ZNF644: variants seen among roughly 807,000 people sequenced by gnomAD.
ZNF644 encodes the protein zinc finger protein 644.
Under a neutral mutation model 108.0 loss-of-function variants are expected in ZNF644, and 20 were observed. The ratio of observed to expected loss-of-function variants is 0.19; its 90% CI spans 0.13 to 0.27. ZNF644 has a LOEUF of 0.27. Among genes scored for constraint, ZNF644 ranks in the 10% least tolerant of loss-of-function variants. ZNF644 has a pLI of 1.00. For synonymous variants in ZNF644, 542 were observed against 539.1 expected (o/e 1.01, Z -0.08); for missense variants, 1,338 against 1,548.9 (o/e 0.86, Z 2.29).
In ZNF644 at chr1:90,938,562, T is replaced by C; in HGVS notation, c.2792A>G (p.His931Arg). 1.9e-6 allele frequency: 3 copies of C among 1,613,754 alleles called. No individual in the cohort carries two copies. The highest frequency in any genetic ancestry group is 2.2e-5 in the South Asian group (2 of 91,028). The change falls in exon 3 of 6, where the codon CAT (histidine) becomes CGT (arginine). Residue 931 changes from histidine to arginine, a missense_variant. Around this residue, in one of 6 missense-constraint regions of ZNF644, gnomAD observed 462 missense variants for 472.6 expected, o/e 0.98. Transcript: ENST00000337393. This position sits in a 1 kb window ranked among gnomAD's most constrained non-coding sequence, Gnocchi z 4.2. ...TAAATGCTGAGGATCATGTATCTCA[T>C]GCAAAAAGTTGTTACTTCCAGTATC... ...YEDTGSNNFLHEIHDPQHLET... is the reference protein window; with the variant it reads ...YEDTGSNNFLREIHDPQHLET...
chr1:90,971,430 T>A (rs1381738684), intron 2 of ZNF644, among the ~76,000 whole-genome samples: 1 of 152,124 alleles, frequency 6.6e-6, no homozygotes. Context: ...TTTCTTTTTT[T>A]TTGGTGGGGG....
chr1:90,953,758 T>C (rs1381213726), intron 2 of ZNF644, among the ~76,000 whole-genome samples: 1 of 151,534 alleles, frequency 6.6e-6, no homozygotes, highest in Non-Finnish European at 1.5e-5. Context: ...CTACTAAAAA[T>C]ACAAAAAATT....
chr1:90,956,420 A>T (rs1653761390), intron 2 of ZNF644, among the ~76,000 whole-genome samples: 1 of 152,226 alleles, frequency 6.6e-6, no homozygotes, highest in African/African-American at 2.4e-5. Flanking sequence ...AGGGTATGCC[A>T]GTGTAAGTTT....
chr1:91,005,884 CA>C (rs747034998), intron 1 of ZNF644, among the ~76,000 whole-genome samples: 1 of 148,670 alleles, frequency 6.7e-6, no homozygotes, highest in Non-Finnish European at 1.5e-5. Context: ...TCAAAGCAGA[CA>C]AAAGAAAAAA....
At chr1:91,003,530 G>A (rs1163994507) in intron 1 of ZNF644, among the ~76,000 whole-genome samples, 3 of 151,852 alleles carry the variant, frequency 2.0e-5, no homozygotes, top group African/African-American at 7.3e-5. Flanking sequence ...GGGGCCTGTC[G>A]TGGGGTGGGG....
intron 1 of ZNF644, among the ~76,000 whole-genome samples, chr1:90,984,153 G>A (rs1656852717): frequency 6.6e-6 from 1 of 152,124 alleles, no homozygotes; most frequent in African/African-American, 2.4e-5. Context: ...CTCCAGAACT[G>A]TGAGAGAATT....
intron 1 of ZNF644, among the ~76,000 whole-genome samples, chr1:90,997,674 G>C (rs1241549510): frequency 6.6e-6 from 1 of 152,256 alleles, no homozygotes; most frequent in Middle Eastern, 3.4e-3. Flanking sequence ...TTGAGGTACC[G>C]GGTTCATCTC....
In ZNF644 at chr1:90,939,539, C is replaced by A; in HGVS notation, c.1815G>T (p.Thr605=). The stretch of plus-strand genomic sequence containing the variant: ...CACATGATGATGAATGCAAGTACTC[C>A]GTGTGCTTTTTTAAAACACTTTTGG... The part of the protein sequence containing the change: ...TSAKSVLKKH[T]EYLHSSSCVD... The change falls in exon 3 of 6, where the codon ACG becomes ACT. Residue 605 remains threonine, a synonymous_variant. Coordinates refer to ENST00000337393, the MANE Select transcript of ZNF644 (RefSeq NM_201269.3). 1 of 1,613,918 alleles carries A rather than the reference C, an allele frequency of 6.2e-7. No individual in the cohort carries two copies. Among genetic ancestry groups the A allele is most frequent in the Non-Finnish European group, 8.5e-7 (1 of 1,179,900 alleles).
chr1:90,940,112 C>T lies in ZNF644; in HGVS notation c.1242G>A (p.Lys414=). ...TEEPSFYPCT[K]CNVNFREKKH... is the part of the protein sequence containing the mutation. ...TCTTCTCCCTAAAATTCACATTGCA[C>T]TTTGTACAGGGGTAGAATGATGGCT... The change falls in exon 3 of 6, where the codon AAG becomes AAA. Residue 414 remains lysine (K), a synonymous_variant. Transcript: ENST00000337393. The T allele has an allele frequency of 6.2e-7, 1 of 1,614,056 alleles. No homozygotes were observed. The highest frequency in any genetic ancestry group is 8.5e-7 in the Non-Finnish European group (1 of 1,179,966).
chr1:90,953,619 A>C (rs1653427195), intron 2 of ZNF644, among the ~76,000 whole-genome samples: 2 of 152,258 alleles, frequency 1.3e-5, no homozygotes, highest in Middle Eastern at 3.4e-3. Context: ...TATATAGCTT[A>C]AAGTATTCTA....
At chr1:90,971,299 T>C (rs1655445601) in intron 2 of ZNF644, among the ~76,000 whole-genome samples, 1 of 149,516 alleles carries the variant, frequency 6.7e-6, no homozygotes, top group Non-Finnish European at 1.5e-5. Context: ...ACCATCACAA[T>C]TGATGCAAAA....
intron 1 of ZNF644, among the ~76,000 whole-genome samples, chr1:90,995,677 T>C (rs1280209455): frequency 1.3e-5 from 2 of 152,154 alleles, no homozygotes; most frequent in African/African-American, 4.8e-5. Flanking sequence ...ACAATACTGT[T>C]AATGGTTGAC....
chr1:90,955,598 T>C (rs768055579), intron 2 of ZNF644, among the ~76,000 whole-genome samples: 2 of 152,234 alleles, frequency 1.3e-5, no homozygotes, highest in Non-Finnish European at 2.9e-5. Flanking sequence ...TTAAACCTCA[T>C]GAATCCACCT....
intron 1 of ZNF644, among the ~76,000 whole-genome samples, chr1:90,996,120 G>C (rs1450711340): frequency 6.6e-6 from 1 of 151,886 alleles, no homozygotes; most frequent in Non-Finnish European, 1.5e-5. Flanking sequence ...TTGGAATCAG[G>C]GAAATGCAAA....
At chr1:90,985,520 C>G (rs1657004773) in intron 1 of ZNF644, among the ~76,000 whole-genome samples, 1 of 152,114 alleles carries the variant, frequency 6.6e-6, no homozygotes, top group Non-Finnish European at 1.5e-5. Flanking sequence ...ATGAGTTCAA[C>G]TTTTTTAGAT....
chr1:90,937,475 G>A lies in ZNF644; in HGVS notation c.3688+10C>T, dbSNP rs924635034. 8.1e-6 allele frequency: 13 copies of A among 1,613,290 alleles called. No individual in the cohort carries two copies. In the African/African-American group the frequency reaches 1.3e-4, roughly 17 times the overall value. ...AACTGTGTATAGCATAGTCATAAACGTCCTCTTACCTGAGTGCATAGTCAA... is the reference window on the plus strand; with the variant it reads ...AACTGTGTATAGCATAGTCATAAACATCCTCTTACCTGAGTGCATAGTCAA... On this transcript the variant is annotated intron_variant, in intron 4 of 5. Coordinates refer to ENST00000337393, the MANE Select transcript of ZNF644 (RefSeq NM_201269.3).
At chr1:90,991,200 G>A (rs1657602196) in intron 1 of ZNF644, among the ~76,000 whole-genome samples, 1 of 152,140 alleles carries the variant, frequency 6.6e-6, no homozygotes, top group Non-Finnish European at 1.5e-5. Flanking sequence ...ATTTGTTACT[G>A]GGAAACTGCA....
intron 1 of ZNF644, among the ~76,000 whole-genome samples, chr1:91,013,451 T>TCACACACACA (rs10590932): frequency 1.4e-5 from 2 of 140,050 alleles, no homozygotes; most frequent in African/African-American, 2.6e-5. Context: ...AATCTCTCTC[T>TCACACACACA]CACACACACA....
chr1:91,004,479 T>C (rs1169436095), intron 1 of ZNF644, among the ~76,000 whole-genome samples: 2 of 152,146 alleles, frequency 1.3e-5, no homozygotes, highest in African/African-American at 4.8e-5. Flanking sequence ...AATTAAGACA[T>C]TTACAGATTT....
Sources: gnomAD v4.1 joint callset for allele counts (sites outside exome capture counted in the v4.1 genomes callset) on GRCh38, gnomAD v4.1.1 for gene constraint, gnomAD v4.1.1 regional missense constraint, Gnocchi (gnomAD v3.1) non-coding constraint, MANE v1.5 for transcripts, NCBI Gene and HGNC (gene_info 2026-07-23, HGNC 2026-07-21) for gene names.